FRMD4A: variants seen among roughly 807,000 people sequenced by gnomAD.
FRMD4A encodes the protein FERM domain containing 4A.
In FRMD4A, 29 loss-of-function variants were observed where a neutral mutation model predicts 129.1. The ratio of observed to expected loss-of-function variants is 0.22; its 90% CI spans 0.17 to 0.31. The LOEUF is 0.31. FRMD4A is among the 10% of genes least tolerant of loss of function. The pLI, the probability that FRMD4A is intolerant of heterozygous loss-of-function variation, is 1.00. For missense variants in FRMD4A, 1,272 were observed against 1,375.8 expected (o/e 0.92, Z 1.19); for synonymous variants, 634 against 571.6 (o/e 1.11, Z -1.56).
chr10:13,778,420 C>T (rs10796119), intron 6 of FRMD4A, among the ~76,000 whole-genome samples: 1 of 151,838 alleles, frequency 6.6e-6, no homozygotes, highest in African/African-American at 2.4e-5. Flanking sequence ...TGGGTTTGAG[C>T]CCAGTTTAAG....
rs539958531 is a variant in FRMD4A at position 13,752,244 on chromosome 10, C to G, written c.465-4425G>C. ...TTTGAGATGATGTGCCTGTCTTCTG[C>G]AGCCTATACTCCTCACGAAACAAGG... is the stretch of plus-strand genomic sequence containing the variant. On this transcript the variant is annotated intron_variant, in intron 8 of 24. Transcript: ENST00000357447. Among the ~76,000 whole-genome samples the G allele has an allele frequency of 2.6e-5, 4 of 152,144 alleles. No individual in the cohort carries two copies. In the East Asian group the frequency reaches 7.7e-4, roughly 29 times the overall value.
intron 6 of FRMD4A, among the ~76,000 whole-genome samples, chr10:13,764,374 G>A (rs1290149721): frequency 3.9e-5 from 6 of 151,974 alleles, no homozygotes; most frequent in Admixed American, 2.6e-4. Flanking sequence ...GAGTGGTGGT[G>A]TATGCCTGTA....
intron 2 of FRMD4A, among the ~76,000 whole-genome samples, chr10:14,019,511 G>A (rs1832633182): frequency 6.6e-6 from 1 of 152,202 alleles, no homozygotes; most frequent in Admixed American, 6.5e-5. Flanking sequence ...GACAGAGGGG[G>A]AAGAGACACA....
At chr10:13,706,947 C>A in intron 13 of FRMD4A, 90 bp downstream of exon 13, 3 of 739,378 alleles carry the variant, frequency 4.1e-6, no homozygotes, top group Non-Finnish European at 7.5e-6. Flanking sequence ...TCCAAACTGA[C>A]CATGAACAAC....
rs1589295563 is a variant in FRMD4A at position 14,311,450 on chromosome 10, A to G, written c.45+18608T>C. On this transcript the variant is annotated intron_variant, in intron 2 of 24. Coordinates refer to ENST00000357447, the MANE Select transcript of FRMD4A (RefSeq NM_018027.5). ...ATCTGGTTCTATAGGACCATGCTGC[A>G]TGCACTACACATCCTCTCTCCCTGC... Among the ~76,000 whole-genome samples, 2 of 152,224 alleles carry G rather than the reference A, an allele frequency of 1.3e-5. 1 individual carries two copies. Among genetic ancestry groups the G allele is most frequent in the East Asian group, 3.8e-4 (2 of 5,200 alleles).
At chr10:13,685,524 T>C in intron 15 of FRMD4A, 1 of 985,230 alleles carries the variant, frequency 1.0e-6, no homozygotes, top group East Asian at 1.1e-4. Flanking sequence ...TGTTAGGCTA[T>C]TGCAATACCA....
At chr10:14,158,809 A>G (rs2131865699) in intron 2 of FRMD4A, among the ~76,000 whole-genome samples, 1 of 142,066 alleles carries the variant, frequency 7.0e-6, no homozygotes, top group South Asian at 2.4e-4. Flanking sequence ...AGAAGAAGGA[A>G]GAGAAGGAAG....
At chr10:14,147,672 G>A (rs1840142433) in intron 2 of FRMD4A, among the ~76,000 whole-genome samples, 1 of 152,080 alleles carries the variant, frequency 6.6e-6, no homozygotes, top group African/African-American at 2.4e-5. Flanking sequence ...GCACTCTTAT[G>A]AGAATCGAAT....
At chr10:14,114,295 G>T (rs1473750225) in intron 2 of FRMD4A, among the ~76,000 whole-genome samples, 3 of 152,140 alleles carry the variant, frequency 2.0e-5, no homozygotes, top group South Asian at 2.1e-4. Context: ...GGAGACACAG[G>T]TAGGGCTTAA....
intron 11 of FRMD4A, 65 bp downstream of exon 11, chr10:13,740,129 A>T: frequency 2.2e-6 from 2 of 898,294 alleles, no homozygotes; most frequent in East Asian, 4.8e-5. Flanking sequence ...AAAACATATA[A>T]CGAGATGTTT....
intron 2 of FRMD4A, among the ~76,000 whole-genome samples, chr10:14,269,303 T>C (rs1158096186): frequency 6.6e-6 from 1 of 152,210 alleles, no homozygotes. Context: ...TTGTATTCAT[T>C]GTCTACTGCT....
chr10:13,867,985 G>T (rs1047519461), intron 2 of FRMD4A, among the ~76,000 whole-genome samples: 1 of 147,206 alleles, frequency 6.8e-6, no homozygotes, highest in Non-Finnish European at 1.5e-5. Flanking sequence ...TGGGCATGGT[G>T]GCTCACCCCT....
At chr10:14,259,621 C>T (rs1844730883) in intron 2 of FRMD4A, among the ~76,000 whole-genome samples, 1 of 152,084 alleles carries the variant, frequency 6.6e-6, no homozygotes, top group Admixed American at 6.6e-5. Flanking sequence ...CTTCTATTTA[C>T]TTTTTAAACA....
intron 13 of FRMD4A, among the ~76,000 whole-genome samples, chr10:13,702,997 G>A (rs967840277): frequency 6.6e-6 from 1 of 151,770 alleles, no homozygotes; most frequent in African/African-American, 2.4e-5. Context: ...AGAGCGAGGG[G>A]GAGATCCCTC....
intron 4 of FRMD4A, among the ~76,000 whole-genome samples, chr10:13,805,255 C>T (rs1482749514): frequency 2.6e-5 from 4 of 151,574 alleles, no homozygotes; most frequent in Non-Finnish European, 4.4e-5. Flanking sequence ...GCAAGTCTCC[C>T]GCCTCAGCCT....
At chr10:14,004,928 A>G (rs968057709) in intron 2 of FRMD4A, among the ~76,000 whole-genome samples, 2 of 152,276 alleles carry the variant, frequency 1.3e-5, no homozygotes, top group South Asian at 2.1e-4. Context: ...AGCCTGTATT[A>G]TACTGACTTC....
At chr10:13,762,079 A>G (rs1330039820) in intron 7 of FRMD4A, among the ~76,000 whole-genome samples, 1 of 152,236 alleles carries the variant, frequency 6.6e-6, no homozygotes, top group Non-Finnish European at 1.5e-5. Context: ...TAGGGACCAG[A>G]GAAACTTTAG....
At chr10:13,673,601 C>A (rs541691350) in intron 16 of FRMD4A, among the ~76,000 whole-genome samples, 1 of 151,452 alleles carries the variant, frequency 6.6e-6, no homozygotes, top group Non-Finnish European at 1.5e-5. Context: ...CACACACACA[C>A]ACACAGAGTC....
At chr10:13,667,305 CA>C (rs1297422969) in intron 17 of FRMD4A, 1 of 152,360 alleles carries the variant, frequency 6.6e-6, no homozygotes, top group Non-Finnish European at 1.5e-5. Context: ...TCAAGGGGCA[CA>C]AATGGACAGT....
Sources: allele counts gnomAD v4.1 joint callset (sites outside exome capture counted in the v4.1 genomes callset), GRCh38; gene constraint gnomAD v4.1.1; transcripts MANE v1.5; gene names NCBI Gene and HGNC (gene_info 2026-07-23, HGNC 2026-07-21).